TENM3: variants seen among roughly 807,000 people sequenced by gnomAD.
TENM3 encodes teneurin transmembrane protein 3, also known as teneurin-3.
In TENM3, 63 loss-of-function variants were observed where a neutral mutation model predicts 255.1. The observed-to-expected ratio is 0.25, with a 90% confidence interval of 0.20 to 0.30. TENM3 has a LOEUF of 0.30. Ranked by LOEUF, TENM3 falls within the 10% of genes least tolerant of loss-of-function variation. The pLI is 1.00. For missense variants in TENM3, 2,929 were observed against 3,461.1 expected (o/e 0.85, Z 3.86); for synonymous variants, 1,306 against 1,322.3 (o/e 0.99, Z 0.27).
chr4:181,735,282 A>G, the TENM3 span, among the ~76,000 whole-genome samples: 1 of 152,154 alleles, frequency 6.6e-6, no homozygotes, highest in African/African-American at 2.4e-5. Context: ...TAAAAGAGTT[A>G]CAAGAAAATA....
intron 3 of TENM3, among the ~76,000 whole-genome samples, chr4:182,368,236 C>A (rs1329458346): frequency 6.6e-6 from 1 of 152,160 alleles, no homozygotes; most frequent in African/African-American, 2.4e-5. Context: ...CCTGAGAACA[C>A]GAGCATCAGA....
chr4:181,668,128 G>T, the TENM3 span, among the ~76,000 whole-genome samples: 1 of 152,152 alleles, frequency 6.6e-6, no homozygotes, highest in Non-Finnish European at 1.5e-5. Flanking sequence ...TAGAGTAAAT[G>T]CTCAAATATT....
At chr4:181,953,670 A>C in the TENM3 span, among the ~76,000 whole-genome samples, 1 of 151,850 alleles carries the variant, frequency 6.6e-6, no homozygotes, top group Non-Finnish European at 1.5e-5. Context: ...ACAGAGTGAG[A>C]CTCTGTCTCA....
At chr4:182,662,815 AG>A (rs1329096927) in intron 6 of TENM3, among the ~76,000 whole-genome samples, 1 of 152,346 alleles carries the variant, frequency 6.6e-6, no homozygotes, top group Non-Finnish European at 1.5e-5. Flanking sequence ...ACTGACTTCC[AG>A]GTGTGTTTAC....
chr4:182,017,969 G>A, the TENM3 span, among the ~76,000 whole-genome samples: 1 of 152,166 alleles, frequency 6.6e-6, no homozygotes, highest in Non-Finnish European at 1.5e-5. Flanking sequence ...GATATTATAT[G>A]CAATGATAAT....
At chr4:182,372,683 TTAACATGGAC>T (rs1766919577) in intron 3 of TENM3, among the ~76,000 whole-genome samples, 1 of 152,112 alleles carries the variant, frequency 6.6e-6, no homozygotes, top group Admixed American at 6.5e-5. Context: ...AGAAGGAAAA[TTAACATGGAC>T]TAAATGTTAT....
the TENM3 span, among the ~76,000 whole-genome samples, chr4:181,458,173 A>T: frequency 6.6e-6 from 1 of 151,952 alleles, no homozygotes; most frequent in Non-Finnish European, 1.5e-5. Context: ...AAAAATCAAG[A>T]TAATATATTC....
chr4:181,922,427 A>C, the TENM3 span, among the ~76,000 whole-genome samples: 1 of 151,886 alleles, frequency 6.6e-6, no homozygotes, highest in African/African-American at 2.4e-5. Context: ...TTATTGGTCT[A>C]TTCAGAAATT....
chr4:181,715,152 T>C, the TENM3 span, among the ~76,000 whole-genome samples: 2 of 152,202 alleles, frequency 1.3e-5, no homozygotes, highest in African/African-American at 4.8e-5. Context: ...ACTGTATACA[T>C]TATTCTTTAC....
At chr4:182,240,700 G>A (rs1414419144), upstream of TENM3, among the ~76,000 whole-genome samples, 1 of 152,158 alleles carries the variant, frequency 6.6e-6, no homozygotes, top group Non-Finnish European at 1.5e-5. Flanking sequence ...GGATCTAGCA[G>A]GGTGTTCCTC....
the TENM3 span, among the ~76,000 whole-genome samples, chr4:182,061,965 T>TA: frequency 6.6e-6 from 1 of 152,058 alleles, no homozygotes; most frequent in Non-Finnish European, 1.5e-5. Flanking sequence ...TCAAACAAAT[T>TA]AAAAAATTAG....
the TENM3 span, among the ~76,000 whole-genome samples, chr4:181,456,465 A>G: frequency 6.6e-6 from 1 of 151,842 alleles, no homozygotes; most frequent in East Asian, 1.9e-4. Flanking sequence ...CTACTAAAAC[A>G]ACTTTTGTCA....
chr4:181,968,992 C>CTATATATATATA, the TENM3 span, among the ~76,000 whole-genome samples: 6 of 116,102 alleles, frequency 5.2e-5, no homozygotes, highest in South Asian at 1.8e-3. Flanking sequence ...CTCTCTCTCT[C>CTATATATATATA]TATATACATA....
intron 27 of TENM3, among the ~76,000 whole-genome samples, chr4:182,797,755 C>T (rs762458515): frequency 5.9e-5 from 9 of 152,136 alleles, no homozygotes; most frequent in Non-Finnish European, 1.3e-4. Context: ...ACTCCATGAT[C>T]ATAAGGAGAA....
the TENM3 span, among the ~76,000 whole-genome samples, chr4:181,972,881 C>T: frequency 2.4e-4 from 36 of 152,236 alleles, no homozygotes; most frequent in Admixed American, 2.2e-3. Flanking sequence ...CATTGTTATA[C>T]ACATTAATTG....
At chr4:181,986,933 G>A in the TENM3 span, among the ~76,000 whole-genome samples, 1 of 152,034 alleles carries the variant, frequency 6.6e-6, no homozygotes, top group Non-Finnish European at 1.5e-5. Context: ...AGTACTTCTG[G>A]AGCAATGATG....
rs1764201774 is a variant in TENM3, at chr4:182,771,460, A to G, written c.4893-2012A>G. ...GATAGCGTGAGAGCCAGATCAAATCAGCTAACCACGTCGTATTTTCATTTT... is the reference window on the plus strand; with the variant it reads ...GATAGCGTGAGAGCCAGATCAAATCGGCTAACCACGTCGTATTTTCATTTT... On this transcript the variant is annotated intron_variant, in intron 22 of 27. Transcript: ENST00000511685. Among the ~76,000 whole-genome samples the G allele has an allele frequency of 2.1e-5, 3 of 145,086 alleles. No individual in the cohort carries two copies. In the South Asian group the frequency reaches 7.2e-4, roughly 35 times the overall value.
At chr4:182,770,261 G>A (rs1203577446) in intron 22 of TENM3, among the ~76,000 whole-genome samples, 1 of 151,680 alleles carries the variant, frequency 6.6e-6, no homozygotes, top group Non-Finnish European at 1.5e-5. Context: ...TTTTTTTCAT[G>A]GTTTGTAAAA....
the TENM3 span, among the ~76,000 whole-genome samples, chr4:181,752,959 G>A: frequency 6.6e-6 from 1 of 152,144 alleles, no homozygotes; most frequent in Non-Finnish European, 1.5e-5. Flanking sequence ...TCACACCATA[G>A]AGATTTAGTG....
Sources: allele counts gnomAD v4.1 joint callset (sites outside exome capture counted in the v4.1 genomes callset), GRCh38; gene constraint gnomAD v4.1.1; transcripts MANE v1.5; gene names NCBI Gene and HGNC (gene_info 2026-07-23, HGNC 2026-07-21).